The following PCDHGA8 variants were observed in gnomAD, a reference collection of about 807,000 sequenced individuals.
PCDHGA8 encodes protocadherin gamma-A8.
A neutral mutation model predicts 59.2 loss-of-function variants in PCDHGA8; 45 were observed. That is an observed-to-expected ratio of 0.76 (90% CI 0.60 to 0.98). The LOEUF is 0.98. Ranked by LOEUF, PCDHGA8 falls within the 50% of genes least tolerant of loss-of-function variation. The probability of loss-of-function intolerance (pLI) is 0.00; values close to 1 mark genes in which losing one functional copy is unlikely to be tolerated. For synonymous variants in PCDHGA8, 531 were observed against 519.0 expected, an observed-to-expected ratio of 1.02 and a Z score of -0.32; for missense variants, 1,257 against 1,196.2, an observed-to-expected ratio of 1.05 and a Z score of -0.75.
intron 1 of PCDHGA8, chr5:141,426,849 G>A (rs749455878): frequency 2.4e-5 from 11 of 456,660 alleles, no homozygotes; most frequent in South Asian, 1.7e-4. Flanking sequence ...AGGCAAGAAC[G>A]CTCCAGAATT....
intron 1 of PCDHGA8, among the ~76,000 whole-genome samples, chr5:141,459,221 G>A (rs1028895845): frequency 9.2e-5 from 14 of 152,154 alleles, no homozygotes; most frequent in African/African-American, 3.1e-4. Flanking sequence ...TCCAGCTCCA[G>A]GCAACAACTG....
intron 1 of PCDHGA8, among the ~76,000 whole-genome samples, chr5:141,471,869 G>A (rs1234106506): frequency 6.6e-6 from 1 of 152,172 alleles, no homozygotes; most frequent in Non-Finnish European, 1.5e-5. Flanking sequence ...AACTGTGGTT[G>A]CCTGAGGCTG....
In PCDHGA8 at chr5:141,394,383, C is replaced by G. The variant is rs2092989606; in HGVS notation, c.1570C>G (p.Gln524Glu). The G allele has an allele frequency of 3.1e-6, 5 of 1,614,118 alleles. No homozygotes were observed. In the Admixed American group the frequency reaches 5.0e-5, roughly 16 times the overall value. ...TGCGCTGCAATCTTTCGACTATGAG[C>G]AGATCCGAGACCTGCAGCTACTGGT... ...LYALQSFDYE[Q>E]IRDLQLLVTA... is the part of the protein sequence containing the mutation. The change falls in exon 1 of 4, where the codon CAG becomes GAG. Residue 524 changes from glutamine (Q) to glutamate (E), a missense_variant. Transcript: ENST00000398604.
At position 141,477,458 on chromosome 5, in the gene PCDHGA8, T is replaced by C; in HGVS notation, c.2425-17349T>C. 6.2e-7 allele frequency: 1 copy of C among 1,614,126 alleles called. No homozygotes were observed. The highest frequency in any genetic ancestry group is 8.5e-7 in the Non-Finnish European group (1 of 1,180,022). ...CCTTACAATAGTGCGTGTTCAAGTG[T>C]CCGACATCAATGACAACCCTCCACA... On this transcript the variant is annotated intron_variant, in intron 1 of 3. Transcript: ENST00000398604. This position sits in a 1 kb window ranked among gnomAD's most constrained non-coding sequence, Gnocchi z 4.9.
intron 2 of PCDHGA8, among the ~76,000 whole-genome samples, chr5:141,496,121 C>A (rs1391009290): frequency 6.6e-6 from 1 of 152,088 alleles, no homozygotes; most frequent in Non-Finnish European, 1.5e-5. Flanking sequence ...TCCTTCCCTG[C>A]CCCTCACACA....
Position 141,431,054 on chromosome 5 carries a change from G to T in PCDHGA8, c.2424+35817G>T. 6.2e-7 allele frequency: 1 copy of T among 1,614,198 alleles called. No individual in the cohort carries two copies. The highest frequency in any genetic ancestry group is 8.5e-7 in the Non-Finnish European group (1 of 1,180,004). ...AGACCGGGAGGAGCTCTGTATGGGG[G>T]CCATCAAGTGTCAATTAAATCTAGA... On this transcript the variant is annotated intron_variant, in intron 1 of 3. Transcript: ENST00000398604. This position sits in a 1 kb window ranked among gnomAD's most constrained non-coding sequence, Gnocchi z 4.8.
chr5:141,450,107 A>G (rs1228532939), intron 1 of PCDHGA8, among the ~76,000 whole-genome samples: 3 of 150,976 alleles, frequency 2.0e-5, no homozygotes, highest in Non-Finnish European at 4.4e-5. Flanking sequence ...CCCAGGTTCA[A>G]ATGATTCTCC....
chr5:141,495,109 C>A (rs1445945970), intron 2 of PCDHGA8, among the ~76,000 whole-genome samples: 3 of 152,278 alleles, frequency 2.0e-5, no homozygotes, highest in South Asian at 2.1e-4. Context: ...CGACCGGCAC[C>A]TTTTCCTATC....
chr5:141,418,572 AC>A lies in PCDHGA8; in HGVS notation c.2424+23341del, dbSNP rs752316020. 8.1e-6 allele frequency: 13 copies of A among 1,613,794 alleles called. 1 individual carries two copies. The Admixed American group carries it at 1.8e-4, about 23-fold the overall frequency. ...ATCCTGGTAATAGATGCCAATGACA[AC>A]CCCCCAGTGTTCAGCCAGGACGTGT... On this transcript the variant is annotated intron_variant, in intron 1 of 3. Transcript: ENST00000398604.
At chr5:141,395,309 CATT>C in intron 1 of PCDHGA8, 72 bp downstream of exon 1, 1 of 1,506,030 alleles carries the variant, frequency 6.6e-7, no homozygotes, top group Non-Finnish European at 8.9e-7. Flanking sequence ...TTTTGAAAAA[CATT>C]GTGAAGATAG....
rs1409333356 is a variant in PCDHGA8 at position 141,418,996 on chromosome 5, T to C, written c.2424+23759T>C. On this transcript the variant is annotated intron_variant, in intron 1 of 3. Coordinates refer to ENST00000398604, the MANE Select transcript of PCDHGA8 (RefSeq NM_032088.2). ...CACGGGACCAAGACTCAGGGGAAAATGGGGAAGTCAGGTGTAGCTTAAGTA... is the reference window on the plus strand; with the variant it reads ...CACGGGACCAAGACTCAGGGGAAAACGGGGAAGTCAGGTGTAGCTTAAGTA... 3.3e-5 allele frequency: 54 copies of C among 1,613,756 alleles called. 1 individual carries two copies. The East Asian group carries it at 1.0e-3, about 30-fold the overall frequency.
chr5:141,393,357 G>C lies in PCDHGA8; in HGVS notation c.544G>C (p.Val182Leu). 3.1e-6 allele frequency: 5 copies of C among 1,613,924 alleles called. No individual in the cohort carries two copies. Among genetic ancestry groups the C allele is most frequent in the Admixed American group, 1.7e-5 (1 of 60,020 alleles). ...LSPNHHFSLD[V>L]QTGDNGAINP... Reference sequence around the variant, plus strand: ...CCCCAATCACCACTTCTCCCTGGACGTGCAGACTGGAGACAATGGAGCCAT... The same window carrying C: ...CCCCAATCACCACTTCTCCCTGGACCTGCAGACTGGAGACAATGGAGCCAT... Residue 182 changes from valine to leucine, a missense_variant, in exon 1 of 4, where the codon GTG (valine) becomes CTG (leucine). Val to Leu is a conservative substitution (Grantham distance 32). Coordinates refer to ENST00000398604, the MANE Select transcript of PCDHGA8 (RefSeq NM_032088.2).
intron 1 of PCDHGA8, chr5:141,441,139 G>C (rs1000704603): frequency 6.6e-6 from 1 of 152,172 alleles, no homozygotes; most frequent in African/African-American, 2.4e-5. Context: ...ATTTCTAGAA[G>C]ATAATGACAA....
At chr5:141,462,152 G>C (rs1336635196) in intron 1 of PCDHGA8, among the ~76,000 whole-genome samples, 6 of 152,034 alleles carry the variant, frequency 3.9e-5, no homozygotes, top group African/African-American at 7.2e-5. Flanking sequence ...TAGAGATGGG[G>C]TTTCATCATG....
In PCDHGA8 at chr5:141,489,117, T is replaced by A; in HGVS notation, c.2425-5690T>A. On this transcript the variant is annotated intron_variant, in intron 1 of 3. Coordinates refer to ENST00000398604, the MANE Select transcript of PCDHGA8 (RefSeq NM_032088.2). The surrounding 1 kb of genome is among the most constrained non-coding windows in gnomAD (Gnocchi z 4.5). ...AAGAACTGCTGCAAGCAGGCAAACCTCCGAGCAGTTTTTAAGAGGCTGGAA... is the reference window on the plus strand; with the variant it reads ...AAGAACTGCTGCAAGCAGGCAAACCACCGAGCAGTTTTTAAGAGGCTGGAA... The A allele has an allele frequency of 1.4e-5, 5 of 370,102 alleles. No homozygotes were observed. The highest frequency in any genetic ancestry group is 2.3e-5 in the Non-Finnish European group (5 of 214,436). 22.9% of individuals were successfully genotyped at this position (370,102 alleles called of 1,614,324 possible).
At chr5:141,428,286 A>G in intron 1 of PCDHGA8, 1 of 730,462 alleles carries the variant, frequency 1.4e-6, no homozygotes, top group Non-Finnish European at 2.4e-6. Flanking sequence ...ATTCCCAAGC[A>G]AAGCTGCAGA....
In PCDHGA8 at chr5:141,393,272, A is replaced by C. The variant is rs781226042; in HGVS notation, c.459A>C (p.Pro153=). ...NEIAVPGARY[P]LPEAVDPDVG... is the part of the protein sequence containing the mutation. The stretch of plus-strand genomic sequence containing the variant: ...TCGCGGTTCCTGGAGCACGTTATCC[A>C]CTCCCAGAAGCTGTTGACCCGGATG... The change falls in exon 1 of 4, where the codon CCA becomes CCC. Residue 153 remains proline, a synonymous_variant. Coordinates refer to ENST00000398604, the MANE Select transcript of PCDHGA8 (RefSeq NM_032088.2). The C allele has an allele frequency of 2.5e-6, 4 of 1,613,774 alleles. No homozygotes were observed. The Admixed American group carries it at 6.7e-5, about 27-fold the overall frequency.
rs1456184444 is a variant in PCDHGA8, at chr5:141,512,578, C to G, written c.*1405C>G. ...ATAGACCTTCTTCTCCCACCCCCTT[C>G]TGCCCCTGGGTCCCCGGCCATCCAG... On this transcript the variant is annotated 3_prime_UTR_variant, in exon 4 of 4. Coordinates refer to ENST00000398604, the MANE Select transcript of PCDHGA8 (RefSeq NM_032088.2). The G allele has an allele frequency of 6.5e-6, 1 of 153,062 alleles. No individual in the cohort carries two copies. The highest frequency in any genetic ancestry group is 1.5e-5 in the Non-Finnish European group (1 of 68,534). 9.5% of individuals were successfully genotyped at this position (153,062 alleles called of 1,614,324 possible). A position where few individuals can be genotyped will look rare whatever the true frequency, so the allele number is the denominator to read the frequency against.
intron 2 of PCDHGA8, among the ~76,000 whole-genome samples, chr5:141,504,039 AC>A (rs1396515708): frequency 6.6e-6 from 1 of 152,184 alleles, no homozygotes; most frequent in African/African-American, 2.4e-5. Context: ...CATTTAGGCA[AC>A]AAATATTTAT....
Sources: allele counts gnomAD v4.1 joint callset (sites outside exome capture counted in the v4.1 genomes callset), GRCh38; gene constraint gnomAD v4.1.1; non-coding constraint Gnocchi (gnomAD v3.1); transcripts MANE v1.5; gene names NCBI Gene and HGNC (gene_info 2026-07-23, HGNC 2026-07-21).